The following DOCK10 variants were observed in gnomAD, a reference collection of about 807,000 sequenced individuals.
The protein encoded by DOCK10 is dedicator of cytokinesis 10, also known as dedicator of cytokinesis protein 10.
DOCK10 carries 145 observed loss-of-function variants against 280.1 expected under a neutral mutation model. That is an observed-to-expected ratio of 0.52 (90% CI 0.45 to 0.59). The LOEUF (loss-of-function observed/expected upper bound fraction) is 0.59. Ranked by LOEUF, DOCK10 falls within the 20% of genes least tolerant of loss-of-function variation. The pLI, the probability that DOCK10 is intolerant of heterozygous loss-of-function variation, is 0.00. For synonymous variants in DOCK10, 915 were observed against 942.2 expected (o/e 0.97, Z 0.53); for missense variants, 2,368 against 2,651.7 (o/e 0.89, Z 2.35).
At position 224,935,922 on chromosome 2, in the gene DOCK10, G is replaced by A. The variant is rs558062552; in HGVS notation, c.124-4254C>T. On this transcript the variant is annotated intron_variant, in intron 1 of 55. Transcript: ENST00000258390. ...CACACATATAATCCAAGATTTATAC[G>A]AGGATGTCTTTGCAATATTATCTTT... 2.4e-4 allele frequency among the ~76,000 whole-genome samples: 36 copies of A among 152,204 alleles called. No individual in the cohort carries two copies. The South Asian group carries it at 7.0e-3, about 30-fold the overall frequency.
At chr2:224,843,799 T>C (rs1441821545) in intron 22 of DOCK10, among the ~76,000 whole-genome samples, 1 of 152,234 alleles carries the variant, frequency 6.6e-6, no homozygotes, top group Non-Finnish European at 1.5e-5. Context: ...AATGAGTTTG[T>C]GGTAATTTAA....
chr2:224,765,926 T>C, intron 55 of DOCK10, 89 bp from the exon 56 acceptor site: 1 of 934,642 alleles, frequency 1.1e-6, no homozygotes, highest in Non-Finnish European at 1.6e-6. Context: ...ATAGAGGTTT[T>C]CATTCCCCAC....
intron 11 of DOCK10, among the ~76,000 whole-genome samples, chr2:224,870,201 C>T (rs1698180571): frequency 6.6e-6 from 1 of 152,082 alleles, no homozygotes; most frequent in African/African-American, 2.4e-5. Flanking sequence ...CCTTTGCTGC[C>T]GCCATGTGAA....
At chr2:224,799,190 A>G (rs1692804869) in intron 41 of DOCK10, among the ~76,000 whole-genome samples, 1 of 152,138 alleles carries the variant, frequency 6.6e-6, no homozygotes, top group Non-Finnish European at 1.5e-5. Context: ...CCACATCCCT[A>G]GGCAACCACT....
At chr2:224,773,013 C>A in intron 53 of DOCK10, 144 bp downstream of exon 53, 1 of 696,856 alleles carries the variant, frequency 1.4e-6, no homozygotes, top group Non-Finnish European at 2.3e-6. Flanking sequence ...CAACTAGAAG[C>A]CATTTTAAAG....
chr2:224,792,898 G>A (rs373969930), intron 47 of DOCK10, 76 bp downstream of exon 47: 22 of 1,112,240 alleles, frequency 2.0e-5, no homozygotes, highest in East Asian at 1.7e-4. Flanking sequence ...TATTTAAGAA[G>A]GTTTCACTGA....
intron 3 of DOCK10, among the ~76,000 whole-genome samples, chr2:224,905,408 C>G (rs1040255260): frequency 6.6e-6 from 1 of 151,878 alleles, no homozygotes; most frequent in Non-Finnish European, 1.5e-5. Flanking sequence ...CCACCGCGCC[C>G]GGCTAATTTT....
At chr2:224,845,988 T>C (rs1255628120) in intron 19 of DOCK10, among the ~76,000 whole-genome samples, 2 of 152,218 alleles carry the variant, frequency 1.3e-5, no homozygotes, top group Non-Finnish European at 2.9e-5. Flanking sequence ...CCTCCCAAAG[T>C]GCTGGGATTA....
rs1390740171 is a variant in DOCK10, at chr2:225,025,249, A to G, written c.123+17003T>C. Among the ~76,000 whole-genome samples the G allele has an allele frequency of 5.3e-5, 8 of 152,254 alleles. No individual in the cohort carries two copies. The East Asian group carries it at 1.5e-3, about 29-fold the overall frequency. ...CTGTAGGCAGGAGAAAGACCAAATT[A>G]AAGGGCTGTGGCTTAAAGGAAGATG... On this transcript the variant is annotated intron_variant, in intron 1 of 55. Transcript: ENST00000258390.
At chr2:224,772,692 A>G (rs1029241033) in intron 53 of DOCK10, among the ~76,000 whole-genome samples, 2 of 152,044 alleles carry the variant, frequency 1.3e-5, no homozygotes, top group South Asian at 2.1e-4. Context: ...ATCCTCCTCA[A>G]TCACTCACTG....
chr2:224,828,601 A>G (rs772305062), intron 27 of DOCK10, among the ~76,000 whole-genome samples: 1 of 152,186 alleles, frequency 6.6e-6, no homozygotes, highest in African/African-American at 2.4e-5. Context: ...TAAGAAGGTC[A>G]GGGGTGTTTC....
chr2:224,767,224 C>T (rs1690123141), intron 55 of DOCK10, among the ~76,000 whole-genome samples: 1 of 151,978 alleles, frequency 6.6e-6, no homozygotes, highest in Non-Finnish European at 1.5e-5. Flanking sequence ...AGTGCAGTGG[C>T]ATGATATCAG....
rs929381620 is a variant in DOCK10 at position 224,796,506 on chromosome 2, G to A, written c.4828-80C>T. 10 of 833,196 alleles carry A rather than the reference G, an allele frequency of 1.2e-5. No individual in the cohort carries two copies. The African/African-American group carries it at 1.6e-4, about 13-fold the overall frequency. The allele number at this position is 833,196 out of a possible 1,614,324, so 51.6% of individuals were successfully genotyped here. A position where few individuals can be genotyped will look rare whatever the true frequency, so the allele number is the denominator to read the frequency against. On this transcript the variant is annotated intron_variant, in intron 43 of 55. Coordinates refer to ENST00000258390, the MANE Select transcript of DOCK10 (RefSeq NM_014689.3). ...AAGAAATCCACTGGGCTGGGTAAAT[G>A]TATTATTAGTTTCTCCCTGTAGGTC...
chr2:224,886,886 A>ACCCCCCCCCCCCCCCCCCCCCCCCC (rs879598680), intron 4 of DOCK10, among the ~76,000 whole-genome samples: 1 of 135,192 alleles, frequency 7.4e-6, no homozygotes, highest in African/African-American at 3.0e-5. Flanking sequence ...AGCACCCCCA[A>ACCCCCCCCCCCCCCCCCCCCCCCCC]CACCCCCCCA....
Position 225,028,069 on chromosome 2 carries a change from C to T in DOCK10, c.123+14183G>A, listed in dbSNP as rs1376294541. ...ATAATAGGCCCCACAAAGATGTCCA[C>T]ACCCTAATCCACAGAACCTATAAAT... On this transcript the variant is annotated intron_variant, in intron 1 of 55. Transcript: ENST00000258390. 5.9e-5 allele frequency among the ~76,000 whole-genome samples: 9 copies of T among 152,296 alleles called. No individual in the cohort carries two copies. The Middle Eastern group carries it at 0.01, about 173-fold the overall frequency.
At chr2:224,976,826 C>A (rs2126233620) in intron 1 of DOCK10, among the ~76,000 whole-genome samples, 1 of 152,186 alleles carries the variant, frequency 6.6e-6, no homozygotes, top group East Asian at 1.9e-4. Context: ...CCTATGCCAC[C>A]CTCTTCCTCC....
At chr2:224,989,726 C>G (rs890095216) in intron 1 of DOCK10, among the ~76,000 whole-genome samples, 3 of 152,154 alleles carry the variant, frequency 2.0e-5, no homozygotes, top group African/African-American at 7.2e-5. Flanking sequence ...GCCTTCTCAG[C>G]TGAAAAGTGG....
In DOCK10 at chr2:224,775,418, A is replaced by G. The variant is rs573973924; in HGVS notation, c.5803-303T>C. Among the ~76,000 whole-genome samples the G allele has an allele frequency of 1.2e-4, 19 of 152,230 alleles. No homozygotes were observed. In the South Asian group the frequency reaches 3.7e-3, roughly 30 times the overall value. ...TTTATTTTCTCTCTTCTCTGTAATG[A>G]ATGTTCAATCGCCTTTGTCTGGAAT... On this transcript the variant is annotated intron_variant, in intron 51 of 55. Transcript: ENST00000258390.
chr2:224,874,402 C>A, intron 9 of DOCK10, 53 bp from the exon 10 acceptor site: 1 of 1,387,824 alleles, frequency 7.2e-7, no homozygotes, highest in South Asian at 1.2e-5. Flanking sequence ...GATACAGCCC[C>A]TGACACATCC....
Sources: allele counts gnomAD v4.1 joint callset (sites outside exome capture counted in the v4.1 genomes callset), GRCh38; gene constraint gnomAD v4.1.1; transcripts MANE v1.5; gene names NCBI Gene and HGNC (gene_info 2026-07-23, HGNC 2026-07-21).